TNNI3K: variants seen among roughly 807,000 people sequenced by gnomAD.
TNNI3K encodes serine/threonine-protein kinase TNNI3K.
Under a neutral mutation model 114.5 loss-of-function variants are expected in TNNI3K, and 140 were observed. The observed-to-expected ratio is 1.22, with a 90% CI of 1.07 to 1.41. The LOEUF is 1.41. Ranked by LOEUF, TNNI3K falls within the 40% of genes most tolerant of loss-of-function variation. The pLI, the probability that TNNI3K is intolerant of heterozygous loss-of-function variation, is 0.00. For synonymous variants in TNNI3K, 347 were observed against 347.5 expected (o/e 1.00, Z 0.02); for missense variants, 1,125 against 1,007.6 (o/e 1.12, Z -1.58).
intron 17 of TNNI3K, among the ~76,000 whole-genome samples, chr1:74,411,138 C>G (rs1664859368): frequency 6.6e-6 from 1 of 151,972 alleles, no homozygotes; most frequent in African/African-American, 2.4e-5. Flanking sequence ...TTATCAGCTC[C>G]CAGGCTTTTA....
At chr1:74,241,763 A>C (rs1233390572) in intron 2 of TNNI3K, among the ~76,000 whole-genome samples, 4 of 151,870 alleles carry the variant, frequency 2.6e-5, no homozygotes, top group Non-Finnish European at 5.9e-5. Flanking sequence ...TTTGCTGTGC[A>C]GAAGCTCTTT....
intron 4 of TNNI3K, among the ~76,000 whole-genome samples, chr1:74,268,319 T>C (rs1447558390): frequency 6.6e-6 from 1 of 151,984 alleles, no homozygotes; most frequent in African/African-American, 2.4e-5. Flanking sequence ...AGACTAATCA[T>C]GCCTTTAGCC....
chr1:74,263,860 G>A (rs1655814112), intron 4 of TNNI3K, among the ~76,000 whole-genome samples: 1 of 151,754 alleles, frequency 6.6e-6, no homozygotes, highest in African/African-American at 2.4e-5. Context: ...TTATGTTATA[G>A]CTAAAAACAA....
chr1:74,354,095 T>A lies in TNNI3K; in HGVS notation c.1143T>A (p.Asp381Glu), dbSNP rs762147470. The A allele has an allele frequency of 8.7e-6, 14 of 1,613,990 alleles. No homozygotes were observed. The highest frequency in any genetic ancestry group is 2.5e-6 in the Non-Finnish European group (3 of 1,180,012). Reference sequence around the variant, plus strand: ...CCAGCAGGTCTAGTGGTGAAAAAGATGAGCAGACATGTTTGATGTGGGCTT... The same window carrying A: ...CCAGCAGGTCTAGTGGTGAAAAAGAAGAGCAGACATGTTTGATGTGGGCTT... ...CDPSRSSGEK[D>E]EQTCLMWAYE... Residue 381 changes from aspartate to glutamate, a missense_variant, in exon 11 of 25, where the codon GAT becomes GAA. Asp to Glu is a conservative substitution (Grantham distance 45, BLOSUM62 2). Coordinates refer to ENST00000326637, the MANE Select transcript of TNNI3K (RefSeq NM_015978.3).
intron 21 of TNNI3K, among the ~76,000 whole-genome samples, chr1:74,484,702 G>A (rs879761294): frequency 1.3e-5 from 2 of 152,074 alleles, no homozygotes; most frequent in Non-Finnish European, 2.9e-5. Context: ...AGTGGAGTGT[G>A]TAAGAGGAAG....
intron 21 of TNNI3K, chr1:74,483,311 C>A (rs1324117114): frequency 4.2e-6 from 3 of 717,468 alleles, no homozygotes; most frequent in Admixed American, 4.0e-5. Flanking sequence ...TGGTGCACAC[C>A]ACACATGACT....
At chr1:74,255,975 G>A in intron 4 of TNNI3K, among the ~76,000 whole-genome samples, 1 of 152,212 alleles carries the variant, frequency 6.6e-6, no homozygotes, top group Middle Eastern at 3.4e-3. Context: ...TTGTAGAATT[G>A]TATTCCCTTA....
In TNNI3K at chr1:74,506,878, T is replaced by C. The variant is rs376633369; in HGVS notation, c.2351+14612T>C. ...TTACACTTGATGGAAAGATTCACTG[T>C]CTTCTCGGAAAAGATTTATCTATCT... is the stretch of plus-strand genomic sequence containing the variant. On this transcript the variant is annotated intron_variant, in intron 23 of 24. Transcript: ENST00000326637. Among the ~76,000 whole-genome samples, 9 of 152,340 alleles carry C rather than the reference T, an allele frequency of 5.9e-5. No homozygotes were observed. In the South Asian group the frequency reaches 8.3e-4, roughly 14 times the overall value.
chr1:74,280,337 G>C (rs189994239), intron 5 of TNNI3K, among the ~76,000 whole-genome samples: 2 of 151,734 alleles, frequency 1.3e-5, no homozygotes, highest in Non-Finnish European at 2.9e-5. Context: ...AGCAGAGATC[G>C]TGCCACTGCA....
At chr1:74,470,064 G>A (rs913758025) in intron 21 of TNNI3K, 4 of 400,628 alleles carry the variant, frequency 1.0e-5, no homozygotes, top group Middle Eastern at 3.1e-4. Context: ...CTGTCATTGC[G>A]CCTTCTTTAT....
At chr1:74,531,681 C>A (rs1302664090) in intron 23 of TNNI3K, among the ~76,000 whole-genome samples, 2 of 152,134 alleles carry the variant, frequency 1.3e-5, no homozygotes, top group Admixed American at 1.3e-4. Context: ...TCCACCTTTT[C>A]TTTGTATTAG....
chr1:74,454,800 C>A (rs1473252636), intron 20 of TNNI3K, among the ~76,000 whole-genome samples: 1 of 152,094 alleles, frequency 6.6e-6, no homozygotes, highest in African/African-American at 2.4e-5. Flanking sequence ...CCATGCTGTT[C>A]TCCATCTCAG....
At chr1:74,256,234 T>C (rs1243339203) in intron 4 of TNNI3K, among the ~76,000 whole-genome samples, 2 of 149,554 alleles carry the variant, frequency 1.3e-5, no homozygotes, top group African/African-American at 4.9e-5. Context: ...CAGCAAGGTA[T>C]GAGAGCTGTA....
At chr1:74,512,621 A>G (rs182343818) in intron 23 of TNNI3K, 1 of 152,168 alleles carries the variant, frequency 6.6e-6, no homozygotes, top group East Asian at 1.9e-4. Flanking sequence ...CATCTCAGCC[A>G]TATGCCTTAT....
chr1:74,270,007 ATGACTACAAGGACAC>A (rs1427546788), intron 4 of TNNI3K, among the ~76,000 whole-genome samples: 1 of 151,866 alleles, frequency 6.6e-6, no homozygotes, highest in African/African-American at 2.4e-5. Flanking sequence ...CATAGAGAGA[ATGACTACAAGGACAC>A]TGGATTTGAT....
intron 17 of TNNI3K, among the ~76,000 whole-genome samples, chr1:74,380,337 C>A (rs2100546811): frequency 6.6e-6 from 1 of 152,282 alleles, no homozygotes; most frequent in East Asian, 1.9e-4. Context: ...ACACTGGAAC[C>A]TGGCAACAGG....
chr1:74,304,630 A>G (rs1453073029), intron 5 of TNNI3K, among the ~76,000 whole-genome samples: 1 of 151,832 alleles, frequency 6.6e-6, no homozygotes, highest in African/African-American at 2.4e-5. Flanking sequence ...TTTTTTATAG[A>G]AATGGGGTCT....
chr1:74,544,168 T>C lies in TNNI3K; in HGVS notation c.*186T>C. The C allele has an allele frequency of 1.8e-6, 1 of 566,680 alleles. No homozygotes were observed. The highest frequency in any genetic ancestry group is 3.0e-6 in the Non-Finnish European group (1 of 337,860). 35.1% of individuals were successfully genotyped at this position (566,680 alleles called of 1,614,324 possible). A position where few individuals can be genotyped will look rare whatever the true frequency, so the allele number is the denominator to read the frequency against. On this transcript the variant is annotated 3_prime_UTR_variant, in exon 25 of 25. Coordinates refer to ENST00000326637, the MANE Select transcript of TNNI3K (RefSeq NM_015978.3). ...CTTTGGATTTGTGCCTAAGGAATAATATGCAAAAGAACCAAGACAGAATGT... is the reference window on the plus strand; with the variant it reads ...CTTTGGATTTGTGCCTAAGGAATAACATGCAAAAGAACCAAGACAGAATGT...
intron 23 of TNNI3K, among the ~76,000 whole-genome samples, chr1:74,503,521 T>C (rs1669740683): frequency 1.3e-5 from 2 of 152,188 alleles, no homozygotes; most frequent in South Asian, 2.1e-4. Context: ...TTAAGTTCTA[T>C]GGATCTTGTA....
Sources: gnomAD v4.1 joint callset for allele counts (sites outside exome capture counted in the v4.1 genomes callset) on GRCh38, gnomAD v4.1.1 for gene constraint, MANE v1.5 for transcripts, NCBI Gene and HGNC (gene_info 2026-07-23, HGNC 2026-07-21) for gene names.